ADAM22: variants seen among roughly 807,000 people sequenced by gnomAD.
The protein encoded by ADAM22 is disintegrin and metalloproteinase domain-containing protein 22.
ADAM22 carries 65 observed loss-of-function variants against 144.6 expected under a neutral mutation model. The ratio of observed to expected loss-of-function variants is 0.45; its 90% CI spans 0.37 to 0.55. The LOEUF (loss-of-function observed/expected upper bound fraction) is 0.55. Among genes scored for constraint, ADAM22 ranks in the 20% least tolerant of loss-of-function variants. ADAM22 has a pLI of 0.00. For synonymous variants in ADAM22, 391 were observed against 412.6 expected, an observed-to-expected ratio of 0.95 and a Z score of 0.63; for missense variants, 974 against 1,184.9, an observed-to-expected ratio of 0.82 and a Z score of 2.61.
chr7:87,944,827 T>TTTG (rs1554339421), intron 2 of ADAM22, among the ~76,000 whole-genome samples: 63 of 151,338 alleles, frequency 4.2e-4, no homozygotes, highest in African/African-American at 1.4e-3. Flanking sequence ...TTTTTTTTTT[T>TTTG]TTTGTTTTTT....
At chr7:87,967,108 C>T (rs868555413) in intron 2 of ADAM22, among the ~76,000 whole-genome samples, 2 of 152,136 alleles carry the variant, frequency 1.3e-5, no homozygotes, top group Non-Finnish European at 2.9e-5. Flanking sequence ...GTTTGCTTCC[C>T]CTTCTGCCAT....
At position 88,130,408 on chromosome 7, in the gene ADAM22, C is replaced by T. The variant is rs372427737; in HGVS notation, c.774C>T (p.Ser258=). ...TTCAGTTTAAAAAACATCGGCTTTC[C>T]GTTGTACATACCAATACCTATGCGA... ...DHLMFKKHRL[S]VVHTNTYAKS... is the part of the protein sequence containing the mutation. The change falls in exon 10 of 32, where the codon TCC becomes TCT. Residue 258 remains serine, a synonymous_variant. Transcript: ENST00000413139. 21 of 1,612,676 alleles carry T rather than the reference C, an allele frequency of 1.3e-5. No individual in the cohort carries two copies. Among genetic ancestry groups the T allele is most frequent in the South Asian group, 5.5e-5 (5 of 90,946 alleles).
chr7:87,994,028 C>CAAT (rs973280429), intron 3 of ADAM22, among the ~76,000 whole-genome samples: 1 of 151,994 alleles, frequency 6.6e-6, no homozygotes, highest in African/African-American at 2.4e-5. Context: ...TGTTTATAAT[C>CAAT]AATAATAATA....
chr7:88,123,597 A>C (rs1024684765), intron 7 of ADAM22, among the ~76,000 whole-genome samples: 10 of 151,416 alleles, frequency 6.6e-5, no homozygotes, highest in African/African-American at 2.4e-4. Context: ...GATCAATTTT[A>C]TTGATTTTTG....
chr7:87,984,376 G>A (rs1234293516), intron 3 of ADAM22, among the ~76,000 whole-genome samples: 1 of 152,102 alleles, frequency 6.6e-6, no homozygotes, highest in African/African-American at 2.4e-5. Flanking sequence ...TATAGGCCTT[G>A]TTGTGGAGGG....
At chr7:88,157,351 G>T (rs1384093985) in intron 22 of ADAM22, among the ~76,000 whole-genome samples, 1 of 152,012 alleles carries the variant, frequency 6.6e-6, no homozygotes, top group Non-Finnish European at 1.5e-5. Context: ...CCAGAGAGGA[G>T]AAAAAAATCA....
chr7:87,955,026 A>T (rs1291121499), intron 2 of ADAM22, among the ~76,000 whole-genome samples: 1 of 152,090 alleles, frequency 6.6e-6, no homozygotes, highest in Non-Finnish European at 1.5e-5. Flanking sequence ...TATTCTAGTT[A>T]TACATTTGTC....
intron 4 of ADAM22, among the ~76,000 whole-genome samples, chr7:88,078,287 G>A (rs1366625646): frequency 6.6e-6 from 1 of 152,134 alleles, no homozygotes; most frequent in Non-Finnish European, 1.5e-5. Flanking sequence ...TGCAGCTGAG[G>A]GTCCTGACTA....
chr7:87,951,839 C>G (rs1365013890), intron 2 of ADAM22, among the ~76,000 whole-genome samples: 2 of 114,086 alleles, frequency 1.8e-5, no homozygotes, highest in African/African-American at 7.1e-5. Context: ...TGTAGTTCTC[C>G]TTGAAGAGGT....
chr7:88,167,206 G>A lies in ADAM22; in HGVS notation c.2192-931G>A, dbSNP rs147389276. Among the ~76,000 whole-genome samples, 136 of 152,224 alleles carry A rather than the reference G, an allele frequency of 8.9e-4. No individual in the cohort carries two copies. The Middle Eastern group carries it at 0.01, about 11-fold the overall frequency. On this transcript the variant is annotated intron_variant, in intron 24 of 31. Coordinates refer to ENST00000413139, the MANE Select transcript of ADAM22 (RefSeq NM_001324418.2). ...GGCAAAGATGGATCTAAGCTACTCTGGATGAAAGCTCTGCAGTTAACCATG... is the reference window on the plus strand; with the variant it reads ...GGCAAAGATGGATCTAAGCTACTCTAGATGAAAGCTCTGCAGTTAACCATG...
At chr7:88,033,629 T>C (rs2097917) in intron 3 of ADAM22, among the ~76,000 whole-genome samples, 6 of 152,042 alleles carry the variant, frequency 3.9e-5, no homozygotes, top group African/African-American at 9.7e-5. Flanking sequence ...TGTTCTTCCC[T>C]ACAGGGCAAT....
chr7:87,934,883 C>A, intron 1 of ADAM22, 143 bp from the exon 2 acceptor site: 1 of 1,190,186 alleles, frequency 8.4e-7, no homozygotes, highest in Non-Finnish European at 1.2e-6. Context: ...TCTCTGCGTC[C>A]TTCCCAGTTG....
chr7:88,152,217 A>G (rs970517933), intron 20 of ADAM22, among the ~76,000 whole-genome samples: 4 of 152,224 alleles, frequency 2.6e-5, no homozygotes, highest in African/African-American at 9.6e-5. Context: ...ATAGTAGCTG[A>G]CAACAAGAAG....
chr7:87,952,678 C>T (rs1189890264), intron 2 of ADAM22, among the ~76,000 whole-genome samples: 1 of 151,848 alleles, frequency 6.6e-6, no homozygotes. Context: ...GGGAGGATTC[C>T]CTCTTTTTCT....
intron 4 of ADAM22, among the ~76,000 whole-genome samples, chr7:88,091,286 G>T (rs1269394868): frequency 6.6e-6 from 1 of 152,082 alleles, no homozygotes; most frequent in Non-Finnish European, 1.5e-5. Flanking sequence ...TTTAGTTAAT[G>T]ACACTCATCT....
At chr7:88,029,741 T>C (rs1019278423) in intron 3 of ADAM22, among the ~76,000 whole-genome samples, 11 of 152,158 alleles carry the variant, frequency 7.2e-5, no homozygotes, top group Non-Finnish European at 1.2e-4. Flanking sequence ...TTTTGCTGGA[T>C]ATACTATTCT....
intron 31 of ADAM22, 119 bp from the exon 32 acceptor site, chr7:88,196,352 G>A (rs753337471): frequency 8.6e-7 from 1 of 1,159,708 alleles, no homozygotes; most frequent in Non-Finnish European, 1.3e-6. Context: ...CTTTGCAAGA[G>A]TGTGCATCCA....
intron 14 of ADAM22, among the ~76,000 whole-genome samples, chr7:88,138,922 TG>T (rs1379934718): frequency 6.6e-6 from 1 of 152,358 alleles, no homozygotes; most frequent in East Asian, 1.9e-4. Context: ...TGCCAAGGGT[TG>T]GAGAACAGAC....
At chr7:88,060,066 T>A (rs188538740) in intron 3 of ADAM22, among the ~76,000 whole-genome samples, 135 of 152,296 alleles carry the variant, frequency 8.9e-4, no homozygotes, top group African/African-American at 3.2e-3. Context: ...AACAGCATTA[T>A]GTCTAAAAAA....
Sources: gnomAD v4.1 joint callset for allele counts (sites outside exome capture counted in the v4.1 genomes callset) on GRCh38, gnomAD v4.1.1 for gene constraint, MANE v1.5 for transcripts, NCBI Gene and HGNC (gene_info 2026-07-23, HGNC 2026-07-21) for gene names.